P3H2: variants seen among roughly 807,000 people sequenced by gnomAD.
The protein encoded by P3H2 is leprecan-like 1.
Under a neutral mutation model 87.0 loss-of-function variants are expected in P3H2, and 80 were observed. The ratio of observed to expected loss-of-function variants is 0.92; its 90% confidence interval spans 0.77 to 1.11. The LOEUF is 1.11. Ranked by LOEUF, P3H2 falls within the 50% of genes least tolerant of loss-of-function variation. The pLI, the probability that P3H2 is intolerant of heterozygous loss-of-function variation, is 0.00. For synonymous variants in P3H2, 367 were observed against 359.3 expected, an observed-to-expected ratio of 1.02 and a Z score of -0.24; for missense variants, 1,001 against 923.9, an observed-to-expected ratio of 1.08 and a Z score of -1.08.
chr3:190,007,344 A>C (rs78720589), intron 1 of P3H2, among the ~76,000 whole-genome samples: 1,930 of 152,296 alleles, frequency 0.013, 13 homozygotes, highest in Non-Finnish European at 0.023. Context: ...AACTTGGAAT[A>C]TGGTGGTAAT....
chr3:190,120,253 T>C lies in P3H2; in HGVS notation c.479A>G (p.Lys160Arg), dbSNP rs772545724. 4 of 1,610,126 alleles carry C rather than the reference T, an allele frequency of 2.5e-6. No individual in the cohort carries two copies. Among genetic ancestry groups the C allele is most frequent in the Non-Finnish European group, 1.7e-6 (2 of 1,179,066 alleles). The change falls in exon 1 of 15, where the codon AAG (lysine) becomes AGG (arginine). Residue 160 changes from lysine to arginine, a missense_variant and splice_region_variant. Lys to Arg is a conservative substitution (Grantham distance 26, BLOSUM62 2). Coordinates refer to ENST00000319332, the MANE Select transcript of P3H2 (RefSeq NM_018192.4). ...AGTGGAGGAGCGCTCTGTGGGTACC[T>C]TGATGTAGGCCCGCTGCAGGTAGTT... ...PYNYLQRAYI[K>R]LNQLEKAVEA...
chr3:189,966,184 A>G (rs956215318), intron 13 of P3H2, among the ~76,000 whole-genome samples: 8 of 136,736 alleles, frequency 5.9e-5, no homozygotes, highest in African/African-American at 2.1e-4. Flanking sequence ...AGAAAGAAAG[A>G]AAGAAAGAAA....
intron 1 of P3H2, among the ~76,000 whole-genome samples, chr3:190,117,852 T>C (rs1445692871): frequency 3.3e-5 from 5 of 152,164 alleles, no homozygotes; most frequent in African/African-American, 9.7e-5. Flanking sequence ...AAATATTTTC[T>C]TCTTAAGAGA....
chr3:190,000,012 T>C (rs1724161162), intron 1 of P3H2, among the ~76,000 whole-genome samples: 1 of 152,192 alleles, frequency 6.6e-6, no homozygotes, highest in Admixed American at 6.5e-5. Flanking sequence ...TGAATGAGGT[T>C]CCTCTGACAC....
At chr3:190,101,611 T>G (rs1443998742) in intron 1 of P3H2, among the ~76,000 whole-genome samples, 1 of 151,828 alleles carries the variant, frequency 6.6e-6, no homozygotes, top group African/African-American at 2.4e-5. Flanking sequence ...AAAAACAGTC[T>G]GAAGCAAGCA....
chr3:189,983,876 A>T (rs1330923328), intron 7 of P3H2, among the ~76,000 whole-genome samples: 1 of 150,956 alleles, frequency 6.6e-6, no homozygotes, highest in African/African-American at 2.4e-5. Context: ...TCTGAGTTTC[A>T]GTCCTTTAAA....
chr3:190,090,572 G>A (rs1223621654), intron 1 of P3H2, among the ~76,000 whole-genome samples: 5 of 151,920 alleles, frequency 3.3e-5, no homozygotes, highest in African/African-American at 9.7e-5. Flanking sequence ...GCATGGTGGC[G>A]GGCACCTGTA....
Position 189,957,776 on chromosome 3 carries a change from A to T in P3H2, c.*136T>A. 1 of 678,208 alleles carries T rather than the reference A, an allele frequency of 1.5e-6. No individual in the cohort carries two copies. The highest frequency in any genetic ancestry group is 2.7e-5 in the East Asian group (1 of 36,906). 42.0% of individuals were successfully genotyped at this position (678,208 alleles called of 1,614,324 possible). ...ATTGATAGATTGAGGCAACACAAGC[A>T]TCCTTAGGAAGAGAAGGAAGATCTG... is the stretch of plus-strand genomic sequence containing the variant. On this transcript the variant is annotated 3_prime_UTR_variant, in exon 15 of 15. Transcript: ENST00000319332.
chr3:190,103,697 T>C (rs1325438935), intron 1 of P3H2, among the ~76,000 whole-genome samples: 1 of 152,148 alleles, frequency 6.6e-6, no homozygotes, highest in Non-Finnish European at 1.5e-5. Flanking sequence ...CAACTTGACA[T>C]GAACTATAGC....
chr3:190,031,538 G>A (rs1172167148), intron 1 of P3H2, among the ~76,000 whole-genome samples: 6 of 151,972 alleles, frequency 3.9e-5, no homozygotes, highest in African/African-American at 1.5e-4. Flanking sequence ...TTGGGAGGCT[G>A]AGGCAGGAGA....
At chr3:189,966,044 AAAAGAAAG>A (rs796880303) in intron 13 of P3H2, among the ~76,000 whole-genome samples, 3 of 145,292 alleles carry the variant, frequency 2.1e-5, no homozygotes, top group Non-Finnish European at 3.0e-5. Flanking sequence ...AGAAAGAAAG[AAAAGAAAG>A]AAAGAAAGAA....
intron 1 of P3H2, among the ~76,000 whole-genome samples, chr3:190,052,777 G>A (rs1040221231): frequency 4.0e-5 from 6 of 151,750 alleles, no homozygotes; most frequent in Admixed American, 3.3e-4. Flanking sequence ...TCAGTAAACC[G>A]TACATGTAAA....
chr3:190,017,271 T>G (rs1445206875), intron 1 of P3H2, among the ~76,000 whole-genome samples: 8 of 152,124 alleles, frequency 5.3e-5, no homozygotes, highest in Non-Finnish European at 1.2e-4. Flanking sequence ...TAGCCATGAC[T>G]GGGGCAGTGA....
In P3H2 at chr3:189,971,838, G is replaced by T. The variant is rs1410858043; in HGVS notation, c.1817+52C>A. On this transcript the variant is annotated intron_variant, in intron 12 of 14. Transcript: ENST00000319332. ...ACAGAGCACCTTTCCAGTTTTCACT[G>T]CTTGAAAACTGTTAGGTAAAAGCTT... 3 of 1,096,556 alleles carry T rather than the reference G, an allele frequency of 2.7e-6. No individual in the cohort carries two copies. In the East Asian group the frequency reaches 7.1e-5, roughly 26 times the overall value. The allele number at this position is 1,096,556 out of a possible 1,614,324, so 67.9% of individuals were successfully genotyped here.
At chr3:190,085,939 G>T (rs1472543894) in intron 1 of P3H2, among the ~76,000 whole-genome samples, 1 of 152,016 alleles carries the variant, frequency 6.6e-6, no homozygotes, top group Admixed American at 6.6e-5. Context: ...CATTTCACTG[G>T]ACAGGTAAAG....
At chr3:190,023,026 C>T (rs1320947454) in intron 1 of P3H2, among the ~76,000 whole-genome samples, 1 of 152,030 alleles carries the variant, frequency 6.6e-6, no homozygotes, top group African/African-American at 2.4e-5. Flanking sequence ...CGGTGTTTCA[C>T]CGTGTTAGCC....
At chr3:189,968,030 A>C (rs1054931200) in intron 13 of P3H2, among the ~76,000 whole-genome samples, 1 of 152,220 alleles carries the variant, frequency 6.6e-6, no homozygotes, top group Non-Finnish European at 1.5e-5. Flanking sequence ...AGTTTATCAC[A>C]TACATGTCCC....
rs1712527619 is a variant in P3H2, at chr3:190,120,574, G to A, written c.158C>T (p.Ala53Val). The change falls in exon 1 of 15, where the codon GCC (alanine) becomes GTC (valine). Residue 53 changes from alanine (A) to valine (V), a missense_variant. Physicochemically the swap from Ala to Val is moderately conservative, Grantham distance 64. Coordinates refer to ENST00000319332, the MANE Select transcript of P3H2 (RefSeq NM_018192.4). ...PFDLLYASGA[A>V]AYYSGDYERA... ...CTCGTAGTCTCCGCTGTAGTAGGCGGCCGCGCCGCTGGCGTAGAGCAGGTC... is the reference window on the plus strand; with the variant it reads ...CTCGTAGTCTCCGCTGTAGTAGGCGACCGCGCCGCTGGCGTAGAGCAGGTC... 1 of 1,540,516 alleles carries A rather than the reference G, an allele frequency of 6.5e-7. No individual in the cohort carries two copies. Among genetic ancestry groups the A allele is most frequent in the Non-Finnish European group, 8.7e-7 (1 of 1,153,520 alleles).
intron 14 of P3H2, among the ~76,000 whole-genome samples, chr3:189,961,227 C>T (rs963095687): frequency 6.6e-6 from 1 of 152,184 alleles, no homozygotes; most frequent in Non-Finnish European, 1.5e-5. Context: ...AGGACTGAGC[C>T]ACCGTGCCCG....
Sources: gnomAD v4.1 joint callset for allele counts (sites outside exome capture counted in the v4.1 genomes callset) on GRCh38, gnomAD v4.1.1 for gene constraint, MANE v1.5 for transcripts, NCBI Gene and HGNC (gene_info 2026-07-23, HGNC 2026-07-21) for gene names.